The following CACNA1E variants were observed in gnomAD, a reference collection of about 807,000 sequenced individuals.
CACNA1E encodes the protein calcium voltage-gated channel subunit alpha1 E, also known as voltage-dependent R-type calcium channel subunit alpha-1E.
In CACNA1E, 40 loss-of-function variants were observed where a neutral mutation model predicts 259.2. The ratio of observed to expected loss-of-function variants is 0.15; its 90% CI spans 0.12 to 0.20. The LOEUF (loss-of-function observed/expected upper bound fraction) is 0.20. Among genes scored for constraint, CACNA1E ranks in the 10% least tolerant of loss-of-function variants. The pLI is 1.00. For missense variants in CACNA1E, 1,874 were observed against 3,040.1 expected (o/e 0.62, Z 9.02); for synonymous variants, 1,104 against 1,138.5 (o/e 0.97, Z 0.61).
At chr1:181,760,996 C>A (rs928880075) in intron 32 of CACNA1E, among the ~76,000 whole-genome samples, 1 of 152,156 alleles carries the variant, frequency 6.6e-6, no homozygotes, top group Non-Finnish European at 1.5e-5. Context: ...TAGGAGAGCC[C>A]TGAGAATTGA....
chr1:181,784,076 CT>C lies in CACNA1E; in HGVS notation c.5470+299del, dbSNP rs553447435. On this transcript the variant is annotated intron_variant, in intron 40 of 47. Coordinates refer to ENST00000367573, the MANE Select transcript of CACNA1E (RefSeq NM_001205293.3). ...TTATTGACCAGAGGTTAATTTTGTC[CT>C]TTTTTTCTGTATATGGTTTATTTTC... Among the ~76,000 whole-genome samples, 325 of 152,148 alleles carry C rather than the reference CT, an allele frequency of 2.1e-3. 1 individual carries two copies. Among genetic ancestry groups the C allele is most frequent in the African/African-American group, 7.7e-3 (318 of 41,524 alleles).
intron 7 of CACNA1E, among the ~76,000 whole-genome samples, chr1:181,677,444 G>A (rs769354154): frequency 6.6e-6 from 1 of 152,054 alleles, no homozygotes; most frequent in African/African-American, 2.4e-5. Context: ...TGTGATTTTT[G>A]TCACCTTCAA....
At chr1:181,465,491 T>C (rs1346968003) in intron 2 of CACNA1E, among the ~76,000 whole-genome samples, 3 of 152,144 alleles carry the variant, frequency 2.0e-5, no homozygotes, top group Non-Finnish European at 4.4e-5. Flanking sequence ...CTGTCTTCCA[T>C]GTCTGTTAAC....
chr1:181,701,111 T>G (rs72733199), intron 7 of CACNA1E, among the ~76,000 whole-genome samples: 18,327 of 152,250 alleles, frequency 0.12, 1,138 homozygotes, highest in Admixed American at 0.16. Flanking sequence ...TGGGGATGTT[T>G]AACAAAGGAA....
chr1:181,453,578 A>T (rs1309713733), intron 2 of CACNA1E, among the ~76,000 whole-genome samples: 3 of 152,194 alleles, frequency 2.0e-5, no homozygotes, highest in Admixed American at 2.0e-4. Flanking sequence ...TAATCAGTTT[A>T]TTTCAGGGTT....
chr1:181,760,650 C>T (rs1433118159), intron 32 of CACNA1E, among the ~76,000 whole-genome samples: 1 of 152,168 alleles, frequency 6.6e-6, no homozygotes, highest in Admixed American at 6.5e-5. Context: ...CTCTCCATAA[C>T]AATATATTAA....
chr1:181,704,016 A>G (rs1268310795), intron 7 of CACNA1E, among the ~76,000 whole-genome samples: 1 of 150,490 alleles, frequency 6.6e-6, no homozygotes, highest in East Asian at 1.9e-4. Context: ...CCAGATTCTA[A>G]GGAAGAATGA....
intron 7 of CACNA1E, among the ~76,000 whole-genome samples, chr1:181,683,298 G>C (rs191045979): frequency 2.8e-4 from 42 of 152,364 alleles, no homozygotes; most frequent in Non-Finnish European, 8.8e-5. Context: ...CAGTGGAAGA[G>C]TTGGAACTTC....
chr1:181,480,422 T>C (rs1663155457), upstream of CACNA1E, among the ~76,000 whole-genome samples: 1 of 152,200 alleles, frequency 6.6e-6, no homozygotes, highest in Non-Finnish European at 1.5e-5. Flanking sequence ...ATTCCCAACC[T>C]ATGCATTTAT....
In CACNA1E at chr1:181,398,526, T is replaced by C. The variant is rs530283986; in HGVS notation, c.-14-14607T>C. ...GACTTGCTCAAGGATATTAAGCCAG[T>C]AAATTGCAAAGCCAGGGCTGGAAGA... On this transcript the variant is annotated intron_variant, in intron 1 of 11. Coordinates refer to the CACNA1E transcript ENST00000524607. Among the ~76,000 whole-genome samples, 11 of 152,260 alleles carry C rather than the reference T, an allele frequency of 7.2e-5. No homozygotes were observed. In the South Asian group the frequency reaches 8.3e-4, roughly 12 times the overall value.
chr1:181,384,973 C>T (rs986175824), intron 1 of CACNA1E, among the ~76,000 whole-genome samples: 2 of 152,206 alleles, frequency 1.3e-5, no homozygotes, highest in Non-Finnish European at 2.9e-5. Flanking sequence ...CCTGCTATCA[C>T]TACTGCCTTC....
intron 1 of CACNA1E, among the ~76,000 whole-genome samples, chr1:181,387,800 G>A (rs964073712): frequency 6.6e-6 from 1 of 152,064 alleles, no homozygotes; most frequent in Non-Finnish European, 1.5e-5. Flanking sequence ...TGCATTTTTT[G>A]TGTCCCTTCC....
At chr1:181,764,058 T>C (rs1268392782) in intron 34 of CACNA1E, among the ~76,000 whole-genome samples, 1 of 152,214 alleles carries the variant, frequency 6.6e-6, no homozygotes, top group African/African-American at 2.4e-5. Flanking sequence ...CAGGGTATAC[T>C]AATGGCCACC....
chr1:181,665,003 AT>A (rs1416108148), intron 7 of CACNA1E, among the ~76,000 whole-genome samples: 1 of 152,196 alleles, frequency 6.6e-6, no homozygotes, highest in Non-Finnish European at 1.5e-5. Flanking sequence ...AAATATAAAA[AT>A]GCCTCCATTC....
intron 6 of CACNA1E, among the ~76,000 whole-genome samples, chr1:181,587,611 C>T (rs746818885): frequency 2.6e-5 from 4 of 152,122 alleles, no homozygotes; most frequent in Non-Finnish European, 5.9e-5. Context: ...GGGCCGGGCG[C>T]GGTGGCTCAC....
intron 1 of CACNA1E, among the ~76,000 whole-genome samples, chr1:181,321,331 T>C (rs1650326204): frequency 6.6e-6 from 1 of 152,206 alleles, no homozygotes; most frequent in Non-Finnish European, 1.5e-5. Context: ...ATCTCACCTC[T>C]GGATCCCAGT....
chr1:181,430,724 AG>A (rs1261573953), intron 2 of CACNA1E, among the ~76,000 whole-genome samples: 5 of 152,220 alleles, frequency 3.3e-5, no homozygotes, highest in African/African-American at 1.2e-4. Context: ...TCATTTTGAA[AG>A]AATTTTACCA....
chr1:181,374,366 A>G (rs1444485990), intron 1 of CACNA1E, among the ~76,000 whole-genome samples: 1 of 150,538 alleles, frequency 6.6e-6, no homozygotes, highest in Non-Finnish European at 1.5e-5. Flanking sequence ...TGTCCAAGAC[A>G]GTACTTGGCA....
intron 6 of CACNA1E, among the ~76,000 whole-genome samples, chr1:181,628,780 T>G (rs1303871584): frequency 6.6e-6 from 1 of 152,212 alleles, no homozygotes; most frequent in East Asian, 1.9e-4. Context: ...GAATCCTTTT[T>G]TCTCCTTCAT....
Sources: gnomAD v4.1 joint callset for allele counts (sites outside exome capture counted in the v4.1 genomes callset) on GRCh38, gnomAD v4.1.1 for gene constraint, MANE v1.5 for transcripts, NCBI Gene and HGNC (gene_info 2026-07-23, HGNC 2026-07-21) for gene names.